ABLIM1: variants seen among roughly 807,000 people sequenced by gnomAD.
ABLIM1 encodes the protein actin-binding LIM protein 1.
A neutral mutation model predicts 107.0 loss-of-function variants in ABLIM1; 40 were observed. The ratio of observed to expected loss-of-function variants is 0.37; its 90% CI spans 0.29 to 0.49. The LOEUF is 0.49. Ranked by LOEUF, ABLIM1 falls within the 20% of genes least tolerant of loss-of-function variation. The pLI is 0.97. For missense variants in ABLIM1, 857 were observed against 1,008.5 expected (o/e 0.85, Z 2.04); for synonymous variants, 357 against 357.3 (o/e 1.00, Z 0.01).
chr10:114,511,611 C>T (rs575596893), intron 6 of ABLIM1, among the ~76,000 whole-genome samples: 29 of 152,134 alleles, frequency 1.9e-4, no homozygotes, highest in Middle Eastern at 3.4e-3. Context: ...GTGATCCACC[C>T]GCCTCAGCCT....
In ABLIM1 at chr10:114,487,343, T is replaced by C. The variant is rs574616826; in HGVS notation, c.1041+615A>G. On this transcript the variant is annotated intron_variant, in intron 8 of 22. Coordinates refer to ENST00000533213, the MANE Select transcript of ABLIM1 (RefSeq NM_002313.7). ...AATACTTCCTAGCCCGTGTGAAAAA[T>C]AGGGCATCTGAACAGGACAGAGATT... Among the ~76,000 whole-genome samples the C allele has an allele frequency of 1.8e-4, 28 of 152,278 alleles. No homozygotes were observed. The South Asian group carries it at 3.1e-3, about 17-fold the overall frequency.
intron 2 of ABLIM1, among the ~76,000 whole-genome samples, chr10:114,589,220 T>G (rs1387936615): frequency 5.6e-4 from 84 of 150,546 alleles, no homozygotes; most frequent in African/African-American, 1.3e-3. Flanking sequence ...TGTGTGTGTT[T>G]TTTTTTTTTT....
At chr10:114,598,274 C>CAAAA (rs58133284) in intron 2 of ABLIM1, among the ~76,000 whole-genome samples, 62 of 63,514 alleles carry the variant, frequency 9.8e-4, no homozygotes, top group Non-Finnish European at 1.3e-3. Flanking sequence ...AACTCCATCT[C>CAAAA]AAAAAAAAAA....
chr10:114,734,057 G>A (rs374577025), intron 1 of ABLIM1, among the ~76,000 whole-genome samples: 2 of 151,734 alleles, frequency 1.3e-5, no homozygotes, highest in Non-Finnish European at 2.9e-5. Context: ...ATGGGGTTTC[G>A]CCATGTTGGT....
chr10:114,526,623 A>G, intron 6 of ABLIM1: 1 of 985,508 alleles, frequency 1.0e-6, no homozygotes, highest in Non-Finnish European at 1.2e-6. Context: ...CACGCAAAGC[A>G]AAGGACATAG....
At chr10:114,711,542 T>C (rs1256089402) in intron 1 of ABLIM1, among the ~76,000 whole-genome samples, 3 of 152,162 alleles carry the variant, frequency 2.0e-5, no homozygotes, top group Non-Finnish European at 4.4e-5. Flanking sequence ...AGGTGACAGA[T>C]GTTACAATCA....
intron 1 of ABLIM1, among the ~76,000 whole-genome samples, chr10:114,630,637 G>C (rs185787725): frequency 1.1e-4 from 16 of 152,276 alleles, no homozygotes; most frequent in Admixed American, 6.5e-4. Flanking sequence ...TGAGTTTCAA[G>C]CAACAAGGAT....
chr10:114,447,869 C>T lies in ABLIM1; in HGVS notation c.1735+11G>A, dbSNP rs781237670. On this transcript the variant is annotated intron_variant, in intron 15 of 22. Coordinates refer to ENST00000533213, the MANE Select transcript of ABLIM1 (RefSeq NM_002313.7). ...GTTTGTCCCTTTGACTTAGCCGTGA[C>T]AGTTGCATACCTACGACAGCAAATG... 10 of 1,614,046 alleles carry T rather than the reference C, an allele frequency of 6.2e-6. No individual in the cohort carries two copies. The highest frequency in any genetic ancestry group is 8.5e-6 in the Non-Finnish European group (10 of 1,179,974).
rs72826956 is a variant in ABLIM1, at chr10:114,444,147, A to C, written c.1828-13T>G. ...GGCCTGAGTTAAGCTATTCACAGAA[A>C]AAAGGAAAAAAAAAAAAAAAAGAAA... On this transcript the variant is annotated splice_polypyrimidine_tract_variant and intron_variant, in intron 16 of 22. Transcript: ENST00000533213. The C allele has an allele frequency of 0.25, 379,653 of 1,520,052 alleles. 49,459 individuals carry two copies. The highest frequency in any genetic ancestry group is 0.3 in the Middle Eastern group (1,702 of 5,670). 94.2% of individuals were successfully genotyped at this position (1,520,052 alleles called of 1,614,324 possible).
At chr10:114,472,724 C>T (rs2066835834) in intron 10 of ABLIM1, among the ~76,000 whole-genome samples, 1 of 151,742 alleles carries the variant, frequency 6.6e-6, no homozygotes, top group African/African-American at 2.4e-5. Context: ...CCCCTCCCCA[C>T]CTCCCGACAG....
At chr10:114,540,727 A>T (rs1164049380) in intron 6 of ABLIM1, among the ~76,000 whole-genome samples, 1 of 152,092 alleles carries the variant, frequency 6.6e-6, no homozygotes, top group Non-Finnish European at 1.5e-5. Flanking sequence ...ATCTCTGGTG[A>T]CACCACACCT....
At chr10:114,480,180 T>G (rs1391686674) in intron 8 of ABLIM1, among the ~76,000 whole-genome samples, 19 of 152,204 alleles carry the variant, frequency 1.2e-4, no homozygotes, top group Admixed American at 1.2e-3. Flanking sequence ...CTGTAGTTAT[T>G]TAATCTAAAT....
chr10:114,500,279 C>T (rs1373042277), intron 6 of ABLIM1, among the ~76,000 whole-genome samples: 2 of 152,178 alleles, frequency 1.3e-5, no homozygotes, highest in African/African-American at 2.4e-5. Flanking sequence ...TATACTCTAA[C>T]TTTCATCATA....
chr10:114,455,649 G>A (rs1181762811), intron 12 of ABLIM1, among the ~76,000 whole-genome samples: 1 of 152,118 alleles, frequency 6.6e-6, no homozygotes, highest in Non-Finnish European at 1.5e-5. Flanking sequence ...GTCTGTGAAT[G>A]AATGATTGAA....
chr10:114,465,523 T>G, intron 12 of ABLIM1, 175 bp downstream of exon 12: 1 of 635,244 alleles, frequency 1.6e-6, no homozygotes, highest in Admixed American at 3.6e-5. Context: ...GGATGACTGA[T>G]GTTTCAAGAA....
At chr10:114,542,836 T>C (rs1292971143) in intron 6 of ABLIM1, among the ~76,000 whole-genome samples, 1 of 152,206 alleles carries the variant, frequency 6.6e-6, no homozygotes, top group African/African-American at 2.4e-5. Flanking sequence ...CTCTGAGCGC[T>C]GTGATGGGAC....
chr10:114,779,245 T>A, the ABLIM1 span: 1 of 152,218 alleles, frequency 6.6e-6, no homozygotes, highest in Non-Finnish European at 1.5e-5. Flanking sequence ...ATTTCATGTC[T>A]ATAACCACCT....
chr10:114,710,234 C>T (rs1276578814), intron 1 of ABLIM1, among the ~76,000 whole-genome samples: 2 of 152,144 alleles, frequency 1.3e-5, no homozygotes, highest in African/African-American at 4.8e-5. Flanking sequence ...GCCTCGGCAA[C>T]ATGGTGAAAT....
chr10:114,540,040 A>G (rs1464036890), intron 6 of ABLIM1, among the ~76,000 whole-genome samples: 2 of 152,248 alleles, frequency 1.3e-5, no homozygotes, highest in African/African-American at 2.4e-5. Flanking sequence ...TAAGTTAATC[A>G]GCAGAAGCAT....
Sources: gnomAD v4.1 joint callset for allele counts (sites outside exome capture counted in the v4.1 genomes callset) on GRCh38, gnomAD v4.1.1 for gene constraint, MANE v1.5 for transcripts, NCBI Gene and HGNC (gene_info 2026-07-23, HGNC 2026-07-21) for gene names.